The following CSMD3 variants were observed in gnomAD, a reference collection of about 807,000 sequenced individuals.
CSMD3 encodes CUB and sushi domain-containing protein 3.
Under a neutral mutation model 435.2 loss-of-function variants are expected in CSMD3, and 177 were observed. The ratio of observed to expected loss-of-function variants is 0.41; its 90% CI spans 0.36 to 0.46. CSMD3 has a LOEUF of 0.46. CSMD3 is among the 20% of genes least tolerant of loss of function. The pLI is 0.34. For missense variants in CSMD3, 4,265 were observed against 4,504.6 expected (o/e 0.95, Z 1.52); for synonymous variants, 1,656 against 1,520.5 (o/e 1.09, Z -2.07).
chr8:112,705,047 T>C (rs1415202621), intron 13 of CSMD3, among the ~76,000 whole-genome samples: 1 of 152,130 alleles, frequency 6.6e-6, no homozygotes, highest in Non-Finnish European at 1.5e-5. Context: ...TTCACTTCAG[T>C]TCAATATTTA....
intron 5 of CSMD3, among the ~76,000 whole-genome samples, chr8:113,052,739 C>T (rs1257705747): frequency 6.6e-6 from 1 of 152,218 alleles, no homozygotes; most frequent in Non-Finnish European, 1.5e-5. Flanking sequence ...TATCATACTA[C>T]TGCACTGCAG....
chr8:113,115,463 ATT>A (rs2090793958), intron 4 of CSMD3, among the ~76,000 whole-genome samples: 1 of 152,174 alleles, frequency 6.6e-6, no homozygotes, highest in African/African-American at 2.4e-5. Context: ...AGTCCTTGCT[ATT>A]TCCATCCTGA....
chr8:112,566,938 G>T (rs1273914385), intron 24 of CSMD3, among the ~76,000 whole-genome samples: 1 of 152,048 alleles, frequency 6.6e-6, no homozygotes. Context: ...ACTCTGCTAT[G>T]GGCTGGAAGT....
chr8:113,038,769 C>T (rs1344344946), intron 5 of CSMD3, among the ~76,000 whole-genome samples: 1 of 152,080 alleles, frequency 6.6e-6, no homozygotes, highest in Non-Finnish European at 1.5e-5. Flanking sequence ...ATATAAAATC[C>T]CTCCCTCCCA....
chr8:112,367,107 T>C (rs1399499066), intron 38 of CSMD3, among the ~76,000 whole-genome samples: 1 of 152,030 alleles, frequency 6.6e-6, no homozygotes, highest in Non-Finnish European at 1.5e-5. Context: ...ATCTATAACC[T>C]CCAAAATAGT....
chr8:112,595,010 A>T (rs980651313), intron 22 of CSMD3, among the ~76,000 whole-genome samples: 4 of 152,198 alleles, frequency 2.6e-5, no homozygotes, highest in African/African-American at 9.7e-5. Context: ...ACAAAGCTGA[A>T]TGGAGAATGA....
rs980155663 is a variant in CSMD3 at position 112,296,088 on chromosome 8, A to G, written c.8441-82T>C. The G allele has an allele frequency of 2.3e-5, 26 of 1,116,504 alleles. No homozygotes were observed. In the South Asian group the frequency reaches 2.8e-4, roughly 12 times the overall value. 69.2% of individuals were successfully genotyped at this position (1,116,504 alleles called of 1,614,324 possible). On this transcript the variant is annotated intron_variant, in intron 53 of 70. Transcript: ENST00000297405. Reference sequence around the variant, plus strand: ...TTATATACATGTGGAACATGAGCAAACCTTTAAAGTTGTCTTAAAAGCAAG... The same window carrying G: ...TTATATACATGTGGAACATGAGCAAGCCTTTAAAGTTGTCTTAAAAGCAAG...
At chr8:113,187,206 C>T (rs558321634) in intron 3 of CSMD3, among the ~76,000 whole-genome samples, 1 of 151,278 alleles carries the variant, frequency 6.6e-6, no homozygotes, top group South Asian at 2.1e-4. Flanking sequence ...ATTCCCCTCA[C>T]CTTTCAATGT....
chr8:112,609,542 G>A (rs72676688), intron 22 of CSMD3, among the ~76,000 whole-genome samples: 2,270 of 152,176 alleles, frequency 0.015, 33 homozygotes, highest in Non-Finnish European at 0.02. Context: ...ATGGAGAAAG[G>A]GGAACCCTTA....
chr8:112,798,359 T>TA (rs966108210), intron 13 of CSMD3, among the ~76,000 whole-genome samples: 4 of 151,630 alleles, frequency 2.6e-5, no homozygotes, highest in South Asian at 2.1e-4. Context: ...TCTCTAGGGA[T>TA]AAAAAAACAG....
intron 5 of CSMD3, among the ~76,000 whole-genome samples, chr8:113,040,682 A>T (rs2087567821): frequency 6.6e-6 from 1 of 152,134 alleles, no homozygotes; most frequent in African/African-American, 2.4e-5. Flanking sequence ...AATCTGGGAG[A>T]AACAGTGAAA....
intron 18 of CSMD3, among the ~76,000 whole-genome samples, chr8:112,652,052 T>A (rs568608208): frequency 6.6e-6 from 1 of 152,330 alleles, no homozygotes; most frequent in East Asian, 1.9e-4. Context: ...ATATAAAATG[T>A]TGGACATACG....
intron 10 of CSMD3, among the ~76,000 whole-genome samples, chr8:112,916,143 T>G (rs538423863): frequency 6.6e-6 from 1 of 152,016 alleles, no homozygotes; most frequent in South Asian, 2.1e-4. Flanking sequence ...GAGATTTTCC[T>G]GCTATGTACC....
chr8:112,618,423 T>G (rs1377142479), intron 22 of CSMD3, among the ~76,000 whole-genome samples: 1 of 152,044 alleles, frequency 6.6e-6, no homozygotes, highest in Non-Finnish European at 1.5e-5. Flanking sequence ...AGGCACAACT[T>G]TTTTGTAGGA....
chr8:112,932,313 T>G (rs1453450788), intron 9 of CSMD3, among the ~76,000 whole-genome samples: 1 of 152,206 alleles, frequency 6.6e-6, no homozygotes, highest in African/African-American at 2.4e-5. Context: ...TCAGATCACA[T>G]TATTAAGTAA....
intron 45 of CSMD3, among the ~76,000 whole-genome samples, chr8:112,335,098 C>T (rs1824434222): frequency 6.6e-6 from 1 of 152,126 alleles, no homozygotes; most frequent in Admixed American, 6.6e-5. Flanking sequence ...TGGGTAATTA[C>T]TGACTGATTT....
chr8:113,264,132 T>G (rs2093449077), intron 3 of CSMD3, among the ~76,000 whole-genome samples: 1 of 151,432 alleles, frequency 6.6e-6, no homozygotes, highest in South Asian at 2.1e-4. Flanking sequence ...TATGAAATTA[T>G]TTTTTATCAG....
chr8:112,841,588 C>T (rs1229275638), intron 11 of CSMD3, among the ~76,000 whole-genome samples: 1 of 151,690 alleles, frequency 6.6e-6, no homozygotes, highest in Admixed American at 6.6e-5. Context: ...TCTAAAAAAT[C>T]GATTGCAATC....
At chr8:113,158,075 C>G (rs1485899236) in intron 4 of CSMD3, among the ~76,000 whole-genome samples, 1 of 150,608 alleles carries the variant, frequency 6.6e-6, no homozygotes, top group Non-Finnish European at 1.5e-5. Flanking sequence ...TCAAAAATAC[C>G]CAGAATAGAA....
Sources: gnomAD v4.1 joint callset for allele counts (sites outside exome capture counted in the v4.1 genomes callset) on GRCh38, gnomAD v4.1.1 for gene constraint, MANE v1.5 for transcripts, NCBI Gene and HGNC (gene_info 2026-07-23, HGNC 2026-07-21) for gene names.